DLGAP5: variants seen among roughly 807,000 people sequenced by gnomAD.
DLGAP5 encodes the protein DLG associated protein 5.
A neutral mutation model predicts 99.6 loss-of-function variants in DLGAP5; 90 were observed. That is an observed-to-expected ratio of 0.90 (90% CI 0.76 to 1.08). The LOEUF (loss-of-function observed/expected upper bound fraction) is 1.08. Among genes scored for constraint, DLGAP5 ranks in the 50% least tolerant of loss-of-function variants. The probability of loss-of-function intolerance (pLI) is 0.00; values close to 1 mark genes in which losing one functional copy is unlikely to be tolerated. For synonymous variants in DLGAP5, 311 were observed against 321.3 expected (o/e 0.97, Z 0.34); for missense variants, 1,036 against 983.5 (o/e 1.05, Z -0.71).
Position 55,151,934 on chromosome 14 carries a change from T to C in DLGAP5, c.2129A>G (p.Asn710Ser). 6.2e-7 allele frequency: 1 copy of C among 1,609,930 alleles called. No individual in the cohort carries two copies. The highest frequency in any genetic ancestry group is 8.5e-7 in the Non-Finnish European group (1 of 1,178,904). The stretch of plus-strand genomic sequence containing the variant: ...ACAATCCACCTTCAAGTCTGTCTTA[T>C]TTACAACCTGGAAGTAAAAATGGCA... ...PDLIEENHVVNKTDLKVDCLS... is the reference protein window; with the variant it reads ...PDLIEENHVVSKTDLKVDCLS... Residue 710 changes from asparagine to serine, a missense_variant, in exon 17 of 19, where the codon AAT becomes AGT. Physicochemically the swap from Asn to Ser is conservative, Grantham distance 46. Transcript: ENST00000247191.
intron 4 of DLGAP5, among the ~76,000 whole-genome samples, chr14:55,181,946 G>C (rs1300371722): frequency 2.0e-5 from 3 of 152,192 alleles, no homozygotes; most frequent in Admixed American, 6.5e-5. Flanking sequence ...GTGGAACTTA[G>C]CTTCCTCACC....
intron 12 of DLGAP5, among the ~76,000 whole-genome samples, chr14:55,164,135 A>C (rs1417163920): frequency 3.3e-5 from 5 of 152,170 alleles, no homozygotes; most frequent in Non-Finnish European, 2.9e-5. Flanking sequence ...CATGCTATGC[A>C]CTTATACACA....
chr14:55,188,193 A>G (rs530111965), intron 2 of DLGAP5, among the ~76,000 whole-genome samples: 7 of 152,206 alleles, frequency 4.6e-5, no homozygotes, highest in Non-Finnish European at 8.8e-5. Flanking sequence ...CGCCTGCTAT[A>G]TGAACACAAC....
intron 2 of DLGAP5, among the ~76,000 whole-genome samples, chr14:55,184,112 C>T (rs1883358643): frequency 6.6e-6 from 1 of 151,838 alleles, no homozygotes; most frequent in Non-Finnish European, 1.5e-5. Flanking sequence ...AAGATTGCGC[C>T]CCTGCACTCC....
chr14:55,171,919 G>C, intron 10 of DLGAP5, among the ~76,000 whole-genome samples: 1 of 152,170 alleles, frequency 6.6e-6, no homozygotes, highest in East Asian at 1.9e-4. Context: ...CAAAATCAGA[G>C]ACAGAAAGTA....
chr14:55,169,563 A>G lies in DLGAP5; in HGVS notation c.1388-4T>C. 6.3e-7 allele frequency: 1 copy of G among 1,579,296 alleles called. No homozygotes were observed. ...GCTGTGCGAATAAGATCTTTAGCTG[A>G]AGGAAATAAGAGATTTTTTAAAATT... On this transcript the variant is annotated splice_region_variant and splice_polypyrimidine_tract_variant and intron_variant, in intron 11 of 18. Transcript: ENST00000247191.
At chr14:55,151,408 C>G (rs1882012608) in intron 17 of DLGAP5, among the ~76,000 whole-genome samples, 1 of 152,078 alleles carries the variant, frequency 6.6e-6, no homozygotes, top group Non-Finnish European at 1.5e-5. Flanking sequence ...AAAAAATTAG[C>G]TAGGCGCGGT....
intron 1 of DLGAP5, among the ~76,000 whole-genome samples, chr14:55,190,264 T>C (rs1345522787): frequency 6.9e-6 from 1 of 145,876 alleles, no homozygotes; most frequent in Non-Finnish European, 1.5e-5. Flanking sequence ...ACCCCGTCTC[T>C]ATAAATTTTA....
chr14:55,181,935 C>T (rs76113365), intron 4 of DLGAP5, among the ~76,000 whole-genome samples: 8,794 of 152,254 alleles, frequency 0.058, 321 homozygotes, highest in South Asian at 0.091. Context: ...TATATGCATA[C>T]GTGGAACTTA....
intron 2 of DLGAP5, 32 bp downstream of exon 2, chr14:55,188,910 A>G (rs756380435): frequency 1.7e-5 from 26 of 1,562,952 alleles, no homozygotes; most frequent in Non-Finnish European, 2.3e-5. Flanking sequence ...CACTCTTCAA[A>G]GTACTTAAAA....
At chr14:55,188,461 A>G (rs1883496836) in intron 2 of DLGAP5, among the ~76,000 whole-genome samples, 1 of 152,036 alleles carries the variant, frequency 6.6e-6, no homozygotes, top group Non-Finnish European at 1.5e-5. Flanking sequence ...TAATTATTCT[A>G]TTTTTACATT....
chr14:55,155,132 C>A (rs1269892856), intron 14 of DLGAP5, among the ~76,000 whole-genome samples: 1 of 152,098 alleles, frequency 6.6e-6, no homozygotes, highest in African/African-American at 2.4e-5. Context: ...TCAAGTGATT[C>A]TCTTGCCTCA....
In DLGAP5 at chr14:55,170,687, C is replaced by A. The variant is rs947766712; in HGVS notation, c.1387+15G>T. On this transcript the variant is annotated intron_variant, in intron 11 of 18. Coordinates refer to ENST00000247191, the MANE Select transcript of DLGAP5 (RefSeq NM_014750.5). ...AAAGAAACAAAGCAAACAAAAAATA[C>A]AAATGTTGCCTCACCATCATCTGGA... The A allele has an allele frequency of 1.2e-6, 2 of 1,601,022 alleles. No homozygotes were observed. Among genetic ancestry groups the A allele is most frequent in the Non-Finnish European group, 8.5e-7 (1 of 1,169,982 alleles).
chr14:55,185,261 G>A (rs1420670675), intron 2 of DLGAP5, among the ~76,000 whole-genome samples: 1 of 152,338 alleles, frequency 6.6e-6, no homozygotes, highest in East Asian at 1.9e-4. Flanking sequence ...ATGCAGCGGC[G>A]TGATCTCGGC....
At position 55,149,773 on chromosome 14, in the gene DLGAP5, C is replaced by T. The variant is rs75721970; in HGVS notation, c.2418+1026G>A. Reference sequence around the variant, plus strand: ...TTGAAATAAAAATATCGGCCAGGCACGGTGGCTCACGCCTGTAATCCCAGC... The same window carrying T: ...TTGAAATAAAAATATCGGCCAGGCATGGTGGCTCACGCCTGTAATCCCAGC... On this transcript the variant is annotated intron_variant, in intron 18 of 18. Coordinates refer to ENST00000247191, the MANE Select transcript of DLGAP5 (RefSeq NM_014750.5). 2.2e-3 allele frequency among the ~76,000 whole-genome samples: 311 copies of T among 142,882 alleles called. 6 individuals carry two copies. In the East Asian group the frequency reaches 0.046, roughly 21 times the overall value. 93.7% of individuals were successfully genotyped at this position (142,882 alleles called of 152,430 possible).
chr14:55,179,808 AT>A, intron 6 of DLGAP5, 109 bp from the exon 7 acceptor site: 9 of 822,820 alleles, frequency 1.1e-5, no homozygotes, highest in Admixed American at 3.0e-5. Flanking sequence ...GTCTTGAAGG[AT>A]TTTTTTATTA....
In DLGAP5 at chr14:55,163,022, C is replaced by A. The variant is rs1384944562; in HGVS notation, c.1602G>T (p.Gly534=). ...FNNLIKLEES[G]WQVNNNMNHN... is the part of the protein sequence containing the mutation. ...GATTCATATTATTATTGACTTGCCA[C>A]CCAGATTCCTCAAGTTTGATCAGAT... The change falls in exon 13 of 19, where the codon GGG becomes GGT. Residue 534 remains glycine (G), a synonymous_variant. Transcript: ENST00000247191. 1.9e-6 allele frequency: 3 copies of A among 1,601,646 alleles called. No individual in the cohort carries two copies. The highest frequency in any genetic ancestry group is 2.3e-5 in the South Asian group (2 of 88,604).
intron 11 of DLGAP5, among the ~76,000 whole-genome samples, chr14:55,170,469 C>T (rs1399561569): frequency 6.6e-6 from 1 of 152,116 alleles, no homozygotes. Context: ...ATTCTAATTA[C>T]TTACATCTTT....
intron 7 of DLGAP5, among the ~76,000 whole-genome samples, chr14:55,178,379 G>C (rs1307459888): frequency 6.6e-6 from 1 of 152,128 alleles, no homozygotes; most frequent in Non-Finnish European, 1.5e-5. Context: ...TAACACAAGA[G>C]CAATACTTTC....
Sources: allele counts gnomAD v4.1 joint callset (sites outside exome capture counted in the v4.1 genomes callset), GRCh38; gene constraint gnomAD v4.1.1; transcripts MANE v1.5; gene names NCBI Gene and HGNC (gene_info 2026-07-23, HGNC 2026-07-21).